TMEM45A: variants seen among roughly 807,000 people sequenced by gnomAD.
TMEM45A encodes the protein DNA polymerase-transactivated protein 4.
TMEM45A carries 25 observed loss-of-function variants against 32.0 expected under a neutral mutation model. The ratio of observed to expected loss-of-function variants is 0.78; its 90% CI spans 0.57 to 1.09. The LOEUF is 1.09. Among genes scored for constraint, TMEM45A ranks in the 50% least tolerant of loss-of-function variants. The probability of loss-of-function intolerance (pLI) is 0.00; values close to 1 mark genes in which losing one functional copy is unlikely to be tolerated. For missense variants in TMEM45A, 302 were observed against 325.0 expected (o/e 0.93, Z 0.54); for synonymous variants, 122 against 114.8 (o/e 1.06, Z -0.40).
At chr3:100,527,956 C>T (rs930491364) in intron 1 of TMEM45A, among the ~76,000 whole-genome samples, 1 of 152,204 alleles carries the variant, frequency 6.6e-6, no homozygotes, top group Non-Finnish European at 1.5e-5. Context: ...TTGCAGTGTT[C>T]ATTACTCAAT....
At chr3:100,558,622 C>T in intron 4 of TMEM45A, 33 bp downstream of exon 4, 1 of 1,597,856 alleles carries the variant, frequency 6.3e-7, no homozygotes, top group Non-Finnish European at 8.5e-7. Flanking sequence ...TGTACCTGGA[C>T]TCTTTGCCTG....
chr3:100,494,147 A>C (rs1000838890), intron 1 of TMEM45A, among the ~76,000 whole-genome samples: 2 of 152,244 alleles, frequency 1.3e-5, no homozygotes, highest in African/African-American at 4.8e-5. Context: ...ATGATGAAAA[A>C]TATTCAGTTA....
Position 100,503,536 on chromosome 3 carries a change from C to T in TMEM45A, c.-4+10608C>T, listed in dbSNP as rs182507882. ...ATAAATTAAGCCTCATTTTCCTCAACAGAAAATTGGGCCTGTTTCTCCTTC... is the reference window on the plus strand; with the variant it reads ...ATAAATTAAGCCTCATTTTCCTCAATAGAAAATTGGGCCTGTTTCTCCTTC... On this transcript the variant is annotated intron_variant, in intron 1 of 5. Transcript: ENST00000323523. Among the ~76,000 whole-genome samples, 266 of 152,316 alleles carry T rather than the reference C, an allele frequency of 1.7e-3. 3 individuals carry two copies. The highest frequency in any genetic ancestry group is 3.3e-3 in the Admixed American group (50 of 15,302).
At chr3:100,516,816 A>G (rs1708269568) in intron 1 of TMEM45A, among the ~76,000 whole-genome samples, 1 of 151,802 alleles carries the variant, frequency 6.6e-6, no homozygotes, top group African/African-American at 2.4e-5. Flanking sequence ...TAATGTGTTG[A>G]AGGAAATAGT....
intron 4 of TMEM45A, among the ~76,000 whole-genome samples, chr3:100,566,336 C>A (rs1025580176): frequency 6.6e-6 from 1 of 151,994 alleles, no homozygotes; most frequent in Non-Finnish European, 1.5e-5. Flanking sequence ...AATTGCAAAA[C>A]GGTTGCCACA....
intron 3 of TMEM45A, among the ~76,000 whole-genome samples, chr3:100,557,482 T>A (rs2148983646): frequency 6.6e-6 from 1 of 152,082 alleles, no homozygotes; most frequent in Non-Finnish European, 1.5e-5. Context: ...GGAAAGTTAA[T>A]TAAAAACAAT....
intron 1 of TMEM45A, among the ~76,000 whole-genome samples, chr3:100,512,141 A>G (rs1315082011): frequency 6.6e-6 from 1 of 152,174 alleles, no homozygotes; most frequent in East Asian, 1.9e-4. Flanking sequence ...ACATCTGCAG[A>G]ACTCTCCACC....
intron 1 of TMEM45A, among the ~76,000 whole-genome samples, chr3:100,542,766 A>C (rs1363619572): frequency 6.6e-6 from 1 of 152,214 alleles, no homozygotes; most frequent in African/African-American, 2.4e-5. Context: ...CCATTATCCT[A>C]GGTGAATTAA....
chr3:100,558,533 C>T lies in TMEM45A; in HGVS notation c.532C>T (p.Leu178Phe). ...FLEFLVRNNVLLELLRSSLIL... is the reference protein window; with the variant it reads ...FLEFLVRNNVFLELLRSSLIL... The stretch of plus-strand genomic sequence containing the variant: ...AGAGTTCCTTGTTCGGAACAATGTA[C>T]TTCTGGAGCTATTGCGGTCAAGTCT... Residue 178 changes from leucine to phenylalanine, a missense_variant, in exon 4 of 6, where the codon CTT becomes TTT. Leu to Phe is a conservative substitution (Grantham distance 22). Coordinates refer to ENST00000323523, the MANE Select transcript of TMEM45A (RefSeq NM_018004.3). 2 of 1,614,144 alleles carry T rather than the reference C, an allele frequency of 1.2e-6. No individual in the cohort carries two copies. The highest frequency in any genetic ancestry group is 1.7e-6 in the Non-Finnish European group (2 of 1,179,992).
At chr3:100,573,937 C>T (rs1158213718) in intron 5 of TMEM45A, 2 of 152,146 alleles carry the variant, frequency 1.3e-5, no homozygotes, top group African/African-American at 2.4e-5. Context: ...CCTTGCATCC[C>T]AGGGATGAAG....
At chr3:100,516,101 G>A (rs901882669) in intron 1 of TMEM45A, among the ~76,000 whole-genome samples, 4 of 152,148 alleles carry the variant, frequency 2.6e-5, no homozygotes, top group Admixed American at 2.6e-4. Context: ...AATAGCACAT[G>A]TACTCTGTAA....
intron 1 of TMEM45A, among the ~76,000 whole-genome samples, chr3:100,508,324 G>A (rs756402948): frequency 2.6e-5 from 4 of 152,166 alleles, no homozygotes; most frequent in East Asian, 1.9e-4. Context: ...GCCCAGGCCC[G>A]ACAAGACTGC....
intron 1 of TMEM45A, among the ~76,000 whole-genome samples, chr3:100,544,466 A>G (rs1437305245): frequency 6.6e-6 from 1 of 152,192 alleles, no homozygotes; most frequent in East Asian, 1.9e-4. Flanking sequence ...GTCACGATCA[A>G]TATATAGAAT....
chr3:100,554,597 C>T (rs1706176089), intron 1 of TMEM45A, among the ~76,000 whole-genome samples: 1 of 152,040 alleles, frequency 6.6e-6, no homozygotes. Flanking sequence ...GGGAGCAGCA[C>T]ACAGATATTT....
chr3:100,540,846 C>G (rs1705859283), intron 1 of TMEM45A, among the ~76,000 whole-genome samples: 1 of 151,890 alleles, frequency 6.6e-6, no homozygotes, highest in African/African-American at 2.4e-5. Flanking sequence ...GGGTATATAC[C>G]CAGTAATGGA....
chr3:100,525,151 G>A (rs914929652), intron 1 of TMEM45A, among the ~76,000 whole-genome samples: 5 of 151,906 alleles, frequency 3.3e-5, no homozygotes, highest in African/African-American at 1.2e-4. Context: ...CTGAGCCACT[G>A]CACTCCAACC....
intron 1 of TMEM45A, among the ~76,000 whole-genome samples, chr3:100,533,540 A>G (rs1705688088): frequency 2.0e-5 from 3 of 152,040 alleles, no homozygotes; most frequent in Admixed American, 1.3e-4. Flanking sequence ...GAATGCTGCA[A>G]CTTTGCCCTT....
intron 1 of TMEM45A, among the ~76,000 whole-genome samples, chr3:100,550,789 G>A (rs1195038207): frequency 6.6e-6 from 1 of 152,160 alleles, no homozygotes; most frequent in African/African-American, 2.4e-5. Flanking sequence ...CCTTCTGCAT[G>A]GTGAGTGAGT....
At chr3:100,552,226 G>A (rs961804877) in intron 1 of TMEM45A, among the ~76,000 whole-genome samples, 1 of 152,020 alleles carries the variant, frequency 6.6e-6, no homozygotes, top group Non-Finnish European at 1.5e-5. Context: ...TAAAAAAAAA[G>A]TGGAGAAGGC....
Sources: allele counts gnomAD v4.1 joint callset (sites outside exome capture counted in the v4.1 genomes callset), GRCh38; gene constraint gnomAD v4.1.1; transcripts MANE v1.5; gene names NCBI Gene and HGNC (gene_info 2026-07-23, HGNC 2026-07-21).